CYP39A1: variants seen among roughly 807,000 people sequenced by gnomAD.
CYP39A1 encodes cytochrome P450 family 39 subfamily A member 1.
In CYP39A1, 49 loss-of-function variants were observed where a neutral mutation model predicts 58.1. The ratio of observed to expected loss-of-function variants is 0.84; its 90% CI spans 0.67 to 1.07. The LOEUF (loss-of-function observed/expected upper bound fraction) is 1.07. Among genes scored for constraint, CYP39A1 ranks in the 50% least tolerant of loss-of-function variants. The pLI, the probability that CYP39A1 is intolerant of heterozygous loss-of-function variation, is 0.00. For missense variants in CYP39A1, 531 were observed against 539.4 expected, an observed-to-expected ratio of 0.98 and a Z score of 0.16; for synonymous variants, 209 against 187.6, an observed-to-expected ratio of 1.11 and a Z score of -0.93.
chr6:46,596,870 A>G (rs1475209623), intron 7 of CYP39A1, among the ~76,000 whole-genome samples: 1 of 152,172 alleles, frequency 6.6e-6, no homozygotes, highest in Non-Finnish European at 1.5e-5. Flanking sequence ...TTTGAAAATT[A>G]CTTGAAACAA....
chr6:46,550,211 G>T lies in CYP39A1; in HGVS notation c.*155C>A. ...GTTAGATTCTTGGTCTACTGTTGAA[G>T]ATACCAAACACATGCACCATTTGAA... is the stretch of plus-strand genomic sequence containing the variant. On this transcript the variant is annotated 3_prime_UTR_variant, in exon 12 of 12. Transcript: ENST00000275016. 2.0e-6 allele frequency: 1 copy of T among 502,438 alleles called. No individual in the cohort carries two copies. The allele number at this position is 502,438 out of a possible 1,614,324, so 31.1% of individuals were successfully genotyped here.
chr6:46,608,659 G>A (rs894670788), intron 7 of CYP39A1, among the ~76,000 whole-genome samples: 6 of 151,580 alleles, frequency 4.0e-5, no homozygotes, highest in African/African-American at 1.5e-4. Context: ...TTGTTGCCCA[G>A]GCTAGAGTGC....
intron 10 of CYP39A1, among the ~76,000 whole-genome samples, chr6:46,572,711 G>C (rs1158763178): frequency 6.6e-6 from 1 of 152,072 alleles, no homozygotes; most frequent in African/African-American, 2.4e-5. Flanking sequence ...ATCTCTCTCA[G>C]GGTTCGGGAA....
intron 10 of CYP39A1, among the ~76,000 whole-genome samples, chr6:46,561,593 G>C (rs1170554782): frequency 6.6e-6 from 1 of 151,986 alleles, no homozygotes; most frequent in Non-Finnish European, 1.5e-5. Flanking sequence ...CGGTTCAAGG[G>C]GGGTTTGAAT....
chr6:46,642,357 A>G, intron 1 of CYP39A1, 59 bp from the exon 2 acceptor site: 3 of 1,495,704 alleles, frequency 2.0e-6, no homozygotes, highest in Non-Finnish European at 1.8e-6. Flanking sequence ...GTTTAAGACC[A>G]TTCTCCTCAA....
intron 6 of CYP39A1, among the ~76,000 whole-genome samples, chr6:46,630,127 C>CAAAAAA (rs1367795314): frequency 5.6e-5 from 8 of 143,072 alleles, no homozygotes; most frequent in African/African-American, 2.4e-4. Flanking sequence ...ACAACAACAA[C>CAAAAAA]AACAAAAAAA....
chr6:46,631,080 A>T lies in CYP39A1; in HGVS notation c.733-10T>A. ...TAGCTTGCAATAATGTCTGTTTAAA[A>T]GAAATAAACATTGCCAAACCATGGC... On this transcript the variant is annotated splice_polypyrimidine_tract_variant and intron_variant, in intron 5 of 11. Transcript: ENST00000275016. The T allele has an allele frequency of 6.3e-7, 1 of 1,591,188 alleles. No homozygotes were observed. The highest frequency in any genetic ancestry group is 1.7e-4 in the Middle Eastern group (1 of 6,034).
chr6:46,634,121 G>A (rs977510959), intron 5 of CYP39A1, among the ~76,000 whole-genome samples: 3 of 152,190 alleles, frequency 2.0e-5, no homozygotes, highest in African/African-American at 7.2e-5. Flanking sequence ...TTGTGGTAGG[G>A]ATCCAGTGGG....
chr6:46,565,125 G>A (rs1438542008), intron 10 of CYP39A1, among the ~76,000 whole-genome samples: 2 of 152,114 alleles, frequency 1.3e-5, no homozygotes, highest in Non-Finnish European at 2.9e-5. Flanking sequence ...CAGGGCCCAG[G>A]AACTTGCATT....
chr6:46,604,314 T>C (rs1416736260), intron 7 of CYP39A1, among the ~76,000 whole-genome samples: 2 of 152,204 alleles, frequency 1.3e-5, no homozygotes, highest in Non-Finnish European at 2.9e-5. Flanking sequence ...TTCCTGACTT[T>C]ACGATGGAAT....
intron 10 of CYP39A1, among the ~76,000 whole-genome samples, chr6:46,562,564 T>G (rs1173949653): frequency 6.6e-6 from 1 of 151,808 alleles, no homozygotes; most frequent in African/African-American, 2.4e-5. Context: ...GCTCAGGAGT[T>G]GGAGACCAGT....
At chr6:46,607,004 C>A (rs79709493) in intron 7 of CYP39A1, among the ~76,000 whole-genome samples, 8,843 of 152,124 alleles carry the variant, frequency 0.058, 386 homozygotes, top group Non-Finnish European at 0.085. Flanking sequence ...AGATATCTGC[C>A]AGCTAACTGA....
chr6:46,577,529 G>A (rs1360753731), intron 10 of CYP39A1, among the ~76,000 whole-genome samples: 1 of 152,074 alleles, frequency 6.6e-6, no homozygotes. Flanking sequence ...GTCTTCAAGA[G>A]GCCCATTTCA....
At chr6:46,593,666 T>C (rs1772976854) in intron 8 of CYP39A1, among the ~76,000 whole-genome samples, 1 of 152,120 alleles carries the variant, frequency 6.6e-6, no homozygotes, top group African/African-American at 2.4e-5. Context: ...TTGGTTTGAA[T>C]CCAAGCACTC....
At chr6:46,593,542 CTAAATACTCTAATTTACATAAGGTCAGT>C (rs1305771639) in intron 8 of CYP39A1, among the ~76,000 whole-genome samples, 2 of 151,822 alleles carry the variant, frequency 1.3e-5, no homozygotes, top group African/African-American at 4.8e-5. Flanking sequence ...CCCACAAAAA[CTAAATACTCTAATTTACATAAGGTCAGT>C]TAAATAAATC....
At chr6:46,562,673 G>GA (rs1175544325) in intron 10 of CYP39A1, among the ~76,000 whole-genome samples, 1 of 151,518 alleles carries the variant, frequency 6.6e-6, no homozygotes, top group Non-Finnish European at 1.5e-5. Flanking sequence ...AAATATGTTA[G>GA]AAAAAATCTG....
At chr6:46,601,226 ATCCT>A (rs1161797848) in intron 7 of CYP39A1, among the ~76,000 whole-genome samples, 1 of 152,062 alleles carries the variant, frequency 6.6e-6, no homozygotes, top group Non-Finnish European at 1.5e-5. Flanking sequence ...TGCAAACTAA[ATCCT>A]ACTTCCATCC....
At chr6:46,602,962 A>G (rs1388853521) in intron 7 of CYP39A1, among the ~76,000 whole-genome samples, 1 of 152,044 alleles carries the variant, frequency 6.6e-6, no homozygotes, top group Non-Finnish European at 1.5e-5. Context: ...GAACAATAAA[A>G]CTAAATAATG....
intron 10 of CYP39A1, among the ~76,000 whole-genome samples, chr6:46,573,086 C>G (rs1198251096): frequency 2.0e-5 from 3 of 151,970 alleles, no homozygotes; most frequent in Non-Finnish European, 4.4e-5. Context: ...ATTGAGTTCT[C>G]TTGTATCTTG....
Sources: gnomAD v4.1 joint callset for allele counts (sites outside exome capture counted in the v4.1 genomes callset) on GRCh38, gnomAD v4.1.1 for gene constraint, MANE v1.5 for transcripts, NCBI Gene and HGNC (gene_info 2026-07-23, HGNC 2026-07-21) for gene names.